The following GRIA4 variants were observed in gnomAD, a reference collection of about 807,000 sequenced individuals.
GRIA4 encodes the protein glutamate receptor 4.
In GRIA4, 34 loss-of-function variants were observed where a neutral mutation model predicts 104.0. That is an observed-to-expected ratio of 0.33 (90% CI 0.25 to 0.44). The LOEUF (loss-of-function observed/expected upper bound fraction) is 0.44, where lower values mean the gene tolerates loss of function less well. Among genes scored for constraint, GRIA4 ranks in the 20% least tolerant of loss-of-function variants. The pLI, the probability that GRIA4 is intolerant of heterozygous loss-of-function variation, is 1.00. For missense variants in GRIA4, 750 were observed against 1,096.5 expected, an observed-to-expected ratio of 0.68 and a Z score of 4.46; for synonymous variants, 386 against 381.9, an observed-to-expected ratio of 1.01 and a Z score of -0.13.
In GRIA4 at chr11:105,831,051, T is replaced by A. The variant is rs555472231; in HGVS notation, c.488-30973T>A. On this transcript the variant is annotated intron_variant, in intron 4 of 16. Transcript: ENST00000282499. ...AACTTTAAAAAGCATTTATTATTTC[T>A]AATGACTTTTTGTGATGACTTGACT... Among the ~76,000 whole-genome samples, 6 of 152,068 alleles carry A rather than the reference T, an allele frequency of 3.9e-5. No individual in the cohort carries two copies. In the South Asian group the frequency reaches 1.2e-3, roughly 31 times the overall value.
chr11:105,677,135 G>A (rs776525655), intron 3 of GRIA4, among the ~76,000 whole-genome samples: 1 of 151,800 alleles, frequency 6.6e-6, no homozygotes, highest in Non-Finnish European at 1.5e-5. Context: ...TTTCAAAAGA[G>A]TGACAACCAA....
At chr11:105,780,871 C>T (rs1445518648) in intron 4 of GRIA4, among the ~76,000 whole-genome samples, 2 of 152,138 alleles carry the variant, frequency 1.3e-5, no homozygotes, top group Admixed American at 1.3e-4. Context: ...TCATCTTATT[C>T]CTACAGGTTT....
intron 3 of GRIA4, among the ~76,000 whole-genome samples, chr11:105,674,861 T>G (rs961022052): frequency 6.6e-6 from 1 of 151,906 alleles, no homozygotes; most frequent in African/African-American, 2.4e-5. Flanking sequence ...AAGCAAGAAG[T>G]TCAGTTGTCA....
intron 3 of GRIA4, among the ~76,000 whole-genome samples, chr11:105,683,987 A>G (rs1054382595): frequency 2.0e-5 from 3 of 151,804 alleles, no homozygotes; most frequent in African/African-American, 7.3e-5. Flanking sequence ...AGATTCTCCC[A>G]CCTCAGCCTC....
chr11:105,674,536 C>T (rs535215927), intron 3 of GRIA4, among the ~76,000 whole-genome samples: 2 of 151,740 alleles, frequency 1.3e-5, no homozygotes, highest in South Asian at 4.1e-4. Context: ...ATAATGCAGT[C>T]ACTGAAAAAA....
At chr11:105,675,364 A>G (rs953663900) in intron 3 of GRIA4, among the ~76,000 whole-genome samples, 8 of 152,008 alleles carry the variant, frequency 5.3e-5, no homozygotes, top group African/African-American at 1.9e-4. Flanking sequence ...TTTACTGGAG[A>G]CATCTGTTTA....
chr11:105,870,871 T>TAG (rs1945589671), intron 5 of GRIA4, among the ~76,000 whole-genome samples: 1 of 152,032 alleles, frequency 6.6e-6, no homozygotes, highest in Non-Finnish European at 1.5e-5. Flanking sequence ...GATGACAACA[T>TAG]AGAGAATGAA....
intron 4 of GRIA4, chr11:105,842,813 A>C (rs897750363): frequency 6.6e-6 from 1 of 152,244 alleles, no homozygotes; most frequent in Admixed American, 6.5e-5. Context: ...GCTGAGGCTG[A>C]GATCAACCAA....
At chr11:105,897,217 T>C (rs1181447072) in intron 6 of GRIA4, among the ~76,000 whole-genome samples, 1 of 152,104 alleles carries the variant, frequency 6.6e-6, no homozygotes, top group African/African-American at 2.4e-5. Context: ...TCAGCTTCAG[T>C]GTTGTTGGCT....
Position 105,887,579 on chromosome 11 carries a change from ACTT to A in GRIA4, c.726+11_726+13del, listed in dbSNP as rs1565317004. 2.3e-6 allele frequency: 3 copies of A among 1,291,350 alleles called. No individual in the cohort carries two copies. The highest frequency in any genetic ancestry group is 2.4e-5 in the East Asian group (1 of 42,016). The allele number at this position is 1,291,350 out of a possible 1,614,324, so 80.0% of individuals were successfully genotyped here. On this transcript the variant is annotated splice_region_variant and intron_variant, in intron 6 of 16. Transcript: ENST00000282499. ...TTATATCATTGCAAACTTGGTAAGA[ACTT>A]CTTATTTTCTACTTTTCATAAGAAT... is the stretch of plus-strand genomic sequence containing the variant.
chr11:105,857,204 CCAGCATGGTGG>C (rs1379590551), intron 4 of GRIA4, among the ~76,000 whole-genome samples: 2 of 152,048 alleles, frequency 1.3e-5, no homozygotes, highest in Non-Finnish European at 1.5e-5. Context: ...CTCTACAGTT[CCAGCATGGTGG>C]CATTAAATGC....
intron 3 of GRIA4, among the ~76,000 whole-genome samples, chr11:105,643,305 A>G (rs1348217921): frequency 1.3e-5 from 2 of 152,210 alleles, no homozygotes; most frequent in Admixed American, 1.3e-4. Context: ...TATTATGATA[A>G]CATTCAAGGA....
chr11:105,938,968 A>T (rs1391054314), intron 14 of GRIA4, among the ~76,000 whole-genome samples: 2 of 152,198 alleles, frequency 1.3e-5, no homozygotes, highest in Non-Finnish European at 2.9e-5. Flanking sequence ...TAAATTTTTC[A>T]TTTAAATCCT....
intron 4 of GRIA4, among the ~76,000 whole-genome samples, chr11:105,809,423 T>A (rs947070836): frequency 2.0e-5 from 3 of 152,140 alleles, no homozygotes; most frequent in Admixed American, 2.0e-4. Flanking sequence ...TTAACTAGAA[T>A]CTCCCTATTG....
chr11:105,842,851 G>C (rs1022207906), intron 4 of GRIA4: 10 of 152,182 alleles, frequency 6.6e-5, no homozygotes. Context: ...AATTCTTACT[G>C]CATATCTGTT....
At chr11:105,645,753 A>T in intron 3 of GRIA4, among the ~76,000 whole-genome samples, 1 of 152,204 alleles carries the variant, frequency 6.6e-6, no homozygotes, top group Non-Finnish European at 1.5e-5. Flanking sequence ...GAACAAAAGT[A>T]ATGACAGATA....
chr11:105,779,391 T>C (rs1000712718), intron 4 of GRIA4, among the ~76,000 whole-genome samples: 2 of 152,056 alleles, frequency 1.3e-5, no homozygotes, highest in African/African-American at 4.8e-5. Flanking sequence ...TTCAATGCCA[T>C]CTCCATCAAG....
At chr11:105,692,865 G>C (rs1226263704) in intron 3 of GRIA4, among the ~76,000 whole-genome samples, 2 of 151,980 alleles carry the variant, frequency 1.3e-5, no homozygotes. Context: ...ACACCATTTT[G>C]GGCATTACTG....
intron 4 of GRIA4, among the ~76,000 whole-genome samples, chr11:105,827,685 G>A (rs148237103): frequency 4.6e-5 from 7 of 152,090 alleles, no homozygotes; most frequent in African/African-American, 1.4e-4. Context: ...ATAGAGCTAT[G>A]CAGTATAACT....
Sources: gnomAD v4.1 joint callset for allele counts (sites outside exome capture counted in the v4.1 genomes callset) on GRCh38, gnomAD v4.1.1 for gene constraint, MANE v1.5 for transcripts, NCBI Gene and HGNC (gene_info 2026-07-23, HGNC 2026-07-21) for gene names.